Variants in CEP85L observed in about 807,000 individuals in gnomAD.
The protein encoded by CEP85L is centrosomal protein 85L.
CEP85L carries 60 observed loss-of-function variants against 100.3 expected under a neutral mutation model. The ratio of observed to expected loss-of-function variants is 0.60; its 90% CI spans 0.49 to 0.74. The LOEUF (loss-of-function observed/expected upper bound fraction) is 0.74, where lower values mean the gene tolerates loss of function less well. Among genes scored for constraint, CEP85L ranks in the 30% least tolerant of loss-of-function variants. The pLI, the probability that CEP85L is intolerant of heterozygous loss-of-function variation, is 0.00. For synonymous variants in CEP85L, 319 were observed against 322.7 expected (o/e 0.99, Z 0.12); for missense variants, 973 against 936.2 (o/e 1.04, Z -0.51).
intron 2 of CEP85L, among the ~76,000 whole-genome samples, chr6:118,615,320 C>T (rs987798895): frequency 1.3e-5 from 2 of 151,524 alleles, no homozygotes; most frequent in African/African-American, 4.9e-5. Flanking sequence ...CTTTTTTTAA[C>T]CAAATACCCA....
chr6:118,627,731 A>G (rs1773894634), intron 2 of CEP85L, among the ~76,000 whole-genome samples: 1 of 152,224 alleles, frequency 6.6e-6, no homozygotes, highest in South Asian at 2.1e-4. Context: ...GACTCCAGAA[A>G]AGGGAAGATA....
At chr6:118,543,659 T>C (rs193216950) in intron 3 of CEP85L, among the ~76,000 whole-genome samples, 1 of 123,132 alleles carries the variant, frequency 8.1e-6, no homozygotes, top group East Asian at 2.0e-4. Flanking sequence ...AACAAGACAG[T>C]AAGGAAAATA....
At chr6:118,632,689 C>T in intron 1 of CEP85L, 78 bp from the exon 2 acceptor site, 2 of 1,179,182 alleles carry the variant, frequency 1.7e-6, no homozygotes, top group Non-Finnish European at 2.4e-6. Context: ...GTGGAAAATA[C>T]ACATAGGGTA....
intron 2 of CEP85L, among the ~76,000 whole-genome samples, chr6:118,605,751 G>T (rs1449089737): frequency 6.6e-6 from 1 of 152,186 alleles, no homozygotes; most frequent in African/African-American, 2.4e-5. Context: ...CATGGCTCGG[G>T]CCTGTAATCC....
Position 118,464,153 on chromosome 6 carries a change from A to C in CEP85L, c.*1252T>G, listed in dbSNP as rs537054851. 6.6e-6 allele frequency: 1 copy of C among 152,202 alleles called. No individual in the cohort carries two copies. Among genetic ancestry groups the C allele is most frequent in the Non-Finnish European group, 1.5e-5 (1 of 68,002 alleles). The allele number at this position is 152,202 out of a possible 1,614,324, so 9.4% of individuals were successfully genotyped here. ...AAACTAAGTATATTCAAAAGAACAT[A>C]ATCAATGCTGAAGGCAATAAAATGT... On this transcript the variant is annotated 3_prime_UTR_variant, in exon 13 of 13. Transcript: ENST00000368491.
intron 3 of CEP85L, chr6:118,537,701 T>C (rs2114859976): frequency 3.0e-6 from 3 of 985,302 alleles, no homozygotes; most frequent in Non-Finnish European, 3.6e-6. Flanking sequence ...CAGCTGAAAA[T>C]AGTTCAAAAT....
intron 1 of CEP85L, among the ~76,000 whole-genome samples, chr6:118,688,715 T>C (rs1438726704): frequency 3.9e-5 from 6 of 152,230 alleles, no homozygotes; most frequent in Non-Finnish European, 1.5e-5. Flanking sequence ...AGCAGGTACG[T>C]TGGAGCCTCC....
At chr6:118,494,369 T>C (rs1349056284) in intron 5 of CEP85L, among the ~76,000 whole-genome samples, 1 of 152,224 alleles carries the variant, frequency 6.6e-6, no homozygotes. Flanking sequence ...CAGAGCATTC[T>C]GTTCTTAAAA....
intron 2 of CEP85L, among the ~76,000 whole-genome samples, chr6:118,593,015 A>G (rs570895867): frequency 5.3e-5 from 8 of 152,316 alleles, no homozygotes; most frequent in African/African-American, 1.4e-4. Flanking sequence ...TTACATTAAG[A>G]TGAGTTGTTT....
chr6:118,561,540 A>G (rs1779223757), intron 3 of CEP85L, among the ~76,000 whole-genome samples: 1 of 152,146 alleles, frequency 6.6e-6, no homozygotes, highest in South Asian at 2.1e-4. Flanking sequence ...AAAATTTAAT[A>G]TACTAAATGC....
At chr6:118,621,601 C>A (rs1386108273) in intron 2 of CEP85L, among the ~76,000 whole-genome samples, 1 of 152,190 alleles carries the variant, frequency 6.6e-6, no homozygotes, top group African/African-American at 2.4e-5. Context: ...AGCCTCACAT[C>A]AACAGACTAC....
chr6:118,591,522 G>A (rs1331275925), intron 2 of CEP85L, among the ~76,000 whole-genome samples: 1 of 152,158 alleles, frequency 6.6e-6, no homozygotes, highest in Non-Finnish European at 1.5e-5. Context: ...TGCATAGGGT[G>A]TAACTTTGTA....
intron 1 of CEP85L, among the ~76,000 whole-genome samples, chr6:118,691,805 A>G (rs577955128): frequency 6.6e-6 from 1 of 152,158 alleles, no homozygotes; most frequent in African/African-American, 2.4e-5. Context: ...CACCTGAAGC[A>G]AACAAGATCT....
At chr6:118,588,300 T>C (rs911969357) in intron 2 of CEP85L, among the ~76,000 whole-genome samples, 1 of 152,198 alleles carries the variant, frequency 6.6e-6, no homozygotes, top group African/African-American at 2.4e-5. Context: ...CCCCTCTCCT[T>C]GAAAGATCAA....
At chr6:118,622,418 G>T (rs573401908) in intron 2 of CEP85L, among the ~76,000 whole-genome samples, 1 of 152,160 alleles carries the variant, frequency 6.6e-6, no homozygotes, top group African/African-American at 2.4e-5. Flanking sequence ...GACTTATGCC[G>T]CCTGGGAGGA....
intron 7 of CEP85L, among the ~76,000 whole-genome samples, chr6:118,482,161 G>A (rs1195113889): frequency 6.6e-6 from 1 of 151,908 alleles, no homozygotes; most frequent in Non-Finnish European, 1.5e-5. Context: ...GAAATTTGTA[G>A]AAGACCGAGA....
At position 118,566,153 on chromosome 6, in the gene CEP85L, T is replaced by A; in HGVS notation, c.396A>T (p.Thr132=). Residue 132 remains threonine (T), a synonymous_variant, in exon 3 of 13, where the codon ACA becomes ACT. Coordinates refer to ENST00000368491, the MANE Select transcript of CEP85L (RefSeq NM_001042475.3). The part of the protein sequence containing the change: ...GSKWSTSLMQ[T]LGNHSRGEQD... The stretch of plus-strand genomic sequence containing the variant: ...GCTCCCCCCTACTGTGGTTTCCCAA[T>A]GTTTGCATGAGGCTTGTACTCCATT... 6.2e-7 allele frequency: 1 copy of A among 1,614,144 alleles called. No homozygotes were observed. Among genetic ancestry groups the A allele is most frequent in the East Asian group, 2.2e-5 (1 of 44,868 alleles).
intron 4 of CEP85L, among the ~76,000 whole-genome samples, chr6:118,515,431 G>A (rs1776215929): frequency 3.3e-5 from 5 of 152,124 alleles, no homozygotes; most frequent in African/African-American, 1.2e-4. Flanking sequence ...GACAAAAGCA[G>A]CAGAATACAC....
intron 5 of CEP85L, among the ~76,000 whole-genome samples, chr6:118,501,252 C>T (rs568466340): frequency 5.6e-4 from 85 of 152,344 alleles, no homozygotes; most frequent in African/African-American, 2.0e-3. Flanking sequence ...CTGGTGCCCA[C>T]CTCCCATGCC....
Sources: gnomAD v4.1 joint callset for allele counts (sites outside exome capture counted in the v4.1 genomes callset) on GRCh38, gnomAD v4.1.1 for gene constraint, MANE v1.5 for transcripts, NCBI Gene and HGNC (gene_info 2026-07-23, HGNC 2026-07-21) for gene names.